Variants in CHKA observed in about 807,000 individuals in gnomAD.
The protein encoded by CHKA is CHETK-alpha.
A neutral mutation model predicts 60.1 loss-of-function variants in CHKA; 34 were observed. The ratio of observed to expected loss-of-function variants is 0.57; its 90% CI spans 0.43 to 0.75. The LOEUF (loss-of-function observed/expected upper bound fraction) is 0.75, where lower values mean the gene tolerates loss of function less well. Among genes scored for constraint, CHKA ranks in the 30% least tolerant of loss-of-function variants. The probability of loss-of-function intolerance (pLI) is 0.00; values close to 1 mark genes in which losing one functional copy is unlikely to be tolerated. For synonymous variants in CHKA, 217 were observed against 223.1 expected (o/e 0.97, Z 0.24); for missense variants, 563 against 561.3 (o/e 1.00, Z -0.03).
intron 1 of CHKA, among the ~76,000 whole-genome samples, chr11:68,106,262 C>A (rs1357891493): frequency 6.6e-6 from 1 of 152,174 alleles, no homozygotes; most frequent in Non-Finnish European, 1.5e-5. Flanking sequence ...AAAGAACAGG[C>A]TAGGCCAAGC....
intron 2 of CHKA, among the ~76,000 whole-genome samples, chr11:68,091,497 C>T (rs185722212): frequency 2.0e-5 from 3 of 152,112 alleles, no homozygotes; most frequent in Non-Finnish European, 4.4e-5. Flanking sequence ...TCATAAGCAC[C>T]CTAAAACTAA....
Position 68,120,830 on chromosome 11 carries a change from G to C in CHKA, c.348C>G (p.Ile116Met). Residue 116 changes from isoleucine to methionine, a missense_variant and splice_region_variant, in exon 1 of 12, where the codon ATC (isoleucine) becomes ATG (methionine). Ile to Met is a conservative substitution (Grantham distance 10). Transcript: ENST00000265689. The part of the protein sequence containing the change: ...LREDEFHISV[I>M]RGGLSNMLFQ... ...CCCCCAGACCCGGCGCCACCGACCT[G>C]ATGACACTGATGTGGAACTCGTCCT... The C allele has an allele frequency of 7.8e-7, 1 of 1,289,746 alleles. No homozygotes were observed. Among genetic ancestry groups the C allele is most frequent in the South Asian group, 1.6e-5 (1 of 60,768 alleles). The allele number at this position is 1,289,746 out of a possible 1,614,324, so 79.9% of individuals were successfully genotyped here.
At chr11:68,119,057 G>A (rs1012049016) in intron 1 of CHKA, among the ~76,000 whole-genome samples, 3 of 152,206 alleles carry the variant, frequency 2.0e-5, no homozygotes, top group Admixed American at 2.0e-4. Context: ...ACAGACTGAT[G>A]AGTACATGGC....
intron 11 of CHKA, among the ~76,000 whole-genome samples, chr11:68,054,730 C>T (rs1855942348): frequency 6.6e-6 from 1 of 152,124 alleles, no homozygotes; most frequent in African/African-American, 2.4e-5. Flanking sequence ...TTTAAGTGTC[C>T]AGTTGAGGGC....
intron 11 of CHKA, among the ~76,000 whole-genome samples, chr11:68,054,270 G>C (rs987128827): frequency 2.6e-5 from 4 of 152,198 alleles, no homozygotes; most frequent in African/African-American, 7.2e-5. Context: ...ATTCTCAGGA[G>C]GCCTGGTTTA....
chr11:68,099,186 G>A (rs528675187), intron 1 of CHKA, among the ~76,000 whole-genome samples: 1 of 152,214 alleles, frequency 6.6e-6, no homozygotes, highest in East Asian at 1.9e-4. Flanking sequence ...GTACTTAGGG[G>A]TAGGGGATGA....
intron 1 of CHKA, among the ~76,000 whole-genome samples, chr11:68,114,968 T>C (rs149617760): frequency 2.7e-4 from 41 of 152,318 alleles, no homozygotes; most frequent in Non-Finnish European, 4.6e-4. Flanking sequence ...CTCCAACTTA[T>C]GATGGTTCAA....
In CHKA at chr11:68,081,532, A is replaced by T. The variant is rs963555582; in HGVS notation, c.463-75T>A. The T allele has an allele frequency of 5.9e-6, 7 of 1,191,078 alleles. No homozygotes were observed. In the African/African-American group the frequency reaches 9.0e-5, roughly 15 times the overall value. The allele number at this position is 1,191,078 out of a possible 1,614,324, so 73.8% of individuals were successfully genotyped here. A position where few individuals can be genotyped will look rare whatever the true frequency, so the allele number is the denominator to read the frequency against. ...CAGACACTAACTTTGCAACCACCAG[A>T]ACAGTCAGGGTTTACAAAACATCAC... On this transcript the variant is annotated intron_variant, in intron 2 of 11. Coordinates refer to ENST00000265689, the MANE Select transcript of CHKA (RefSeq NM_001277.3).
chr11:68,096,112 C>T (rs1279716545), intron 2 of CHKA, among the ~76,000 whole-genome samples: 1 of 151,858 alleles, frequency 6.6e-6, no homozygotes, highest in Non-Finnish European at 1.5e-5. Flanking sequence ...GCCTGTAATC[C>T]CAGCACTTTG....
In CHKA at chr11:68,065,818, T is replaced by C; in HGVS notation, c.1093A>G (p.Asn365Asp). ...SYEKYPFFRA[N>D]IRKYPTKKQQ... ...TTCTTGGTGGGATACTTCCGGATGT[T>C]TGCTCTGAAAAAAGGGTATTTTTCA... The change falls in exon 9 of 12, where the codon AAC becomes GAC. Residue 365 changes from asparagine (N) to aspartate (D), a missense_variant. Physicochemically the swap from Asn to Asp is conservative, Grantham distance 23. Coordinates refer to ENST00000265689, the MANE Select transcript of CHKA (RefSeq NM_001277.3). 1 of 1,606,588 alleles carries C rather than the reference T, an allele frequency of 6.2e-7. No individual in the cohort carries two copies. The highest frequency in any genetic ancestry group is 1.3e-5 in the African/African-American group (1 of 74,928).
chr11:68,096,134 C>T (rs1857509317), intron 2 of CHKA, among the ~76,000 whole-genome samples: 2 of 151,884 alleles, frequency 1.3e-5, no homozygotes, highest in African/African-American at 2.4e-5. Context: ...GGGACCACGG[C>T]GGGTGGATCA....
Position 68,115,806 on chromosome 11 carries a change from A to T in CHKA, c.350+5022T>A, listed in dbSNP as rs567295915. ...CCAGTAAAAACAAAGTGTAAATAAA[A>T]TTGTATCTTGAAAAATGAAATTGAA... On this transcript the variant is annotated intron_variant, in intron 1 of 11. Coordinates refer to ENST00000265689, the MANE Select transcript of CHKA (RefSeq NM_001277.3). Among the ~76,000 whole-genome samples the T allele has an allele frequency of 4.6e-5, 7 of 152,352 alleles. No individual in the cohort carries two copies. In the South Asian group the frequency reaches 1.0e-3, roughly 23 times the overall value.
At chr11:68,083,653 T>C (rs1857060308) in intron 2 of CHKA, among the ~76,000 whole-genome samples, 1 of 152,046 alleles carries the variant, frequency 6.6e-6, no homozygotes, top group Non-Finnish European at 1.5e-5. Flanking sequence ...GGCCCCAAAG[T>C]CTTTCCTTTT....
intron 1 of CHKA, among the ~76,000 whole-genome samples, chr11:68,112,430 T>C (rs1858191731): frequency 6.6e-6 from 1 of 152,114 alleles, no homozygotes; most frequent in African/African-American, 2.4e-5. Context: ...ACTAATTTTT[T>C]TGTATTTCTA....
chr11:68,080,082 G>A (rs1181648175), intron 3 of CHKA, among the ~76,000 whole-genome samples: 1 of 152,188 alleles, frequency 6.6e-6, no homozygotes, highest in Non-Finnish European at 1.5e-5. Flanking sequence ...CATCACGCAG[G>A]TCCTGGTGAT....
At chr11:68,109,903 G>A (rs1004416024) in intron 1 of CHKA, among the ~76,000 whole-genome samples, 7 of 152,114 alleles carry the variant, frequency 4.6e-5, no homozygotes, top group Non-Finnish European at 7.3e-5. Context: ...AGTGAGCCGA[G>A]GTCACGCCAC....
chr11:68,115,169 G>A (rs1858335749), intron 1 of CHKA, among the ~76,000 whole-genome samples: 1 of 152,184 alleles, frequency 6.6e-6, no homozygotes, highest in South Asian at 2.1e-4. Context: ...TAATGTGTAA[G>A]TGTTCTGGCA....
rs1447459187 is a variant in CHKA at position 68,121,006 on chromosome 11, G to T, written c.172C>A (p.Pro58Thr). Residue 58 changes from proline to threonine, a missense_variant, in exon 1 of 12, where the codon CCC (proline) becomes ACC (threonine). Physicochemically the swap from Pro to Thr is conservative, Grantham distance 38 (BLOSUM62 -1). Transcript: ENST00000265689. ...GGCAGCGGCAGCGGCGGCGGAGGGG[G>T]CAGCGCGAGCGGCGGCTGTTGGCCG... is the stretch of plus-strand genomic sequence containing the variant. ...LGGQQPPLAL[P>T]PPPPLPLPLP... The T allele has an allele frequency of 6.3e-6, 7 of 1,115,152 alleles. No individual in the cohort carries two copies. Among genetic ancestry groups the T allele is most frequent in the Non-Finnish European group, 6.6e-6 (6 of 914,000 alleles). 69.1% of individuals were successfully genotyped at this position (1,115,152 alleles called of 1,614,324 possible).
chr11:68,102,924 T>C (rs1269814475), intron 1 of CHKA, among the ~76,000 whole-genome samples: 2 of 152,060 alleles, frequency 1.3e-5, no homozygotes, highest in East Asian at 3.8e-4. Flanking sequence ...GCCCAGGAAG[T>C]CAAGGCTGCA....
Sources: gnomAD v4.1 joint callset for allele counts (sites outside exome capture counted in the v4.1 genomes callset) on GRCh38, gnomAD v4.1.1 for gene constraint, MANE v1.5 for transcripts, NCBI Gene and HGNC (gene_info 2026-07-23, HGNC 2026-07-21) for gene names.